The following CACNA1A variants were observed in gnomAD, a reference collection of about 807,000 sequenced individuals.
CACNA1A encodes voltage-dependent P/Q-type calcium channel subunit alpha-1A.
Under a neutral mutation model 262.4 loss-of-function variants are expected in CACNA1A, and 57 were observed. The observed-to-expected ratio is 0.22, with a 90% CI of 0.18 to 0.27. CACNA1A has a LOEUF of 0.27. Among genes scored for constraint, CACNA1A ranks in the 10% least tolerant of loss-of-function variants. CACNA1A has a pLI of 1.00. For synonymous variants in CACNA1A, 1,431 were observed against 1,419.3 expected, an observed-to-expected ratio of 1.01 and a Z score of -0.18; for missense variants, 2,526 against 3,562.8, an observed-to-expected ratio of 0.71 and a Z score of 7.41.
At position 13,371,269 on chromosome 19, in the gene CACNA1A, G is replaced by A. The variant is rs146703389; in HGVS notation, c.631+419C>T. The A allele has an allele frequency of 1.0e-3, 167 of 166,096 alleles. No individual in the cohort carries two copies. In the Middle Eastern group the frequency reaches 0.012, roughly 12 times the overall value. The allele number at this position is 166,096 out of a possible 1,614,324, so 10.3% of individuals were successfully genotyped here. A position where few individuals can be genotyped will look rare whatever the true frequency, so the allele number is the denominator to read the frequency against. ...AATGGTCATTGCCACCAGTGGTACG[G>A]CCCAGGCTTGGAGTCACACTTGCTC... On this transcript the variant is annotated intron_variant, in intron 4 of 46. Coordinates refer to ENST00000360228, the MANE Select transcript of CACNA1A (RefSeq NM_001127222.2).
Position 13,212,624 on chromosome 19 carries a change from C to A in CACNA1A, c.6050+7G>T. ...CACTCCACCTCCCTGGCAGGGGTGA[C>A]ACTCACAGGGCTCCTCCTGGGTCCA... On this transcript the variant is annotated splice_region_variant and intron_variant, in intron 41 of 46. Transcript: ENST00000360228. The surrounding 1 kb of genome is among the most constrained non-coding windows in gnomAD (Gnocchi z 5.6). 6.6e-7 allele frequency: 1 copy of A among 1,516,278 alleles called. No homozygotes were observed. The highest frequency in any genetic ancestry group is 8.9e-7 in the Non-Finnish European group (1 of 1,126,814). The allele number at this position is 1,516,278 out of a possible 1,614,324, so 93.9% of individuals were successfully genotyped here.
intron 45 of CACNA1A, 41 bp downstream of exon 45, chr19:13,209,271 C>A: frequency 6.9e-7 from 1 of 1,439,114 alleles, no homozygotes. Context: ...CCTCTCCTCT[C>A]CTCTGTTCTG....
chr19:13,216,710 C>T (rs1374378243), intron 38 of CACNA1A, among the ~76,000 whole-genome samples: 7 of 150,558 alleles, frequency 4.6e-5, no homozygotes, highest in Admixed American at 3.3e-4. Context: ...ATCTATCTAT[C>T]GATCGACAGG....
chr19:13,339,377 G>C (rs1433842871), intron 6 of CACNA1A, among the ~76,000 whole-genome samples: 2 of 152,076 alleles, frequency 1.3e-5, no homozygotes, highest in Non-Finnish European at 2.9e-5. Flanking sequence ...CTGGGGGAGG[G>C]GGAACAGGGA....
At chr19:13,326,792 A>G (rs1295281061) in intron 10 of CACNA1A, among the ~76,000 whole-genome samples, 1 of 150,970 alleles carries the variant, frequency 6.6e-6, no homozygotes, top group African/African-American at 2.4e-5. Flanking sequence ...CTGTCTCAAA[A>G]AAAAAAAAAA....
At chr19:13,310,541 G>C (rs1348205585) in intron 12 of CACNA1A, among the ~76,000 whole-genome samples, 1 of 95,396 alleles carries the variant, frequency 1.0e-5, no homozygotes, top group Non-Finnish European at 2.0e-5. Context: ...GTTTAATTTT[G>C]TCCACTTGAA....
At chr19:13,216,716 A>T (rs2055027200) in intron 38 of CACNA1A, among the ~76,000 whole-genome samples, 1 of 150,626 alleles carries the variant, frequency 6.6e-6, no homozygotes, top group African/African-American at 2.5e-5. Context: ...CTATCGATCG[A>T]CAGGGACTTA....
intron 7 of CACNA1A, among the ~76,000 whole-genome samples, chr19:13,335,542 G>T (rs190545128): frequency 3.3e-5 from 5 of 152,254 alleles, no homozygotes; most frequent in Non-Finnish European, 5.9e-5. Flanking sequence ...TTTGGAAAAT[G>T]GGGGAGAAGT....
intron 30 of CACNA1A, among the ~76,000 whole-genome samples, chr19:13,247,864 C>G (rs866905081): frequency 6.6e-6 from 1 of 152,088 alleles, no homozygotes; most frequent in Non-Finnish European, 1.5e-5. Context: ...TGTGGCTGCA[C>G]AAGTGTTAGG....
intron 4 of CACNA1A, among the ~76,000 whole-genome samples, chr19:13,367,518 G>A (rs893085181): frequency 1.3e-5 from 2 of 151,662 alleles, no homozygotes; most frequent in Non-Finnish European, 2.9e-5. Flanking sequence ...ACGAGGTCAG[G>A]AGATCGAGAC....
chr19:13,301,931 C>T (rs2057797034), intron 17 of CACNA1A, among the ~76,000 whole-genome samples: 1 of 151,736 alleles, frequency 6.6e-6, no homozygotes, highest in Non-Finnish European at 1.5e-5. Context: ...AGAGCTAGGT[C>T]TCTGGACCAT....
intron 3 of CACNA1A, among the ~76,000 whole-genome samples, chr19:13,400,584 T>C (rs527946708): frequency 7.2e-5 from 11 of 152,312 alleles, no homozygotes; most frequent in South Asian, 4.1e-4. Flanking sequence ...CTTGGACTTG[T>C]GCTAGAGTGT....
rs539053887 is a variant in CACNA1A at position 13,243,155 on chromosome 19, C to T, written c.4950+2027G>A. ...ATATTTTGATTGCCAGCTGGAGCTC[C>T]AGCCCTCTCTAGAAACTCAGGACAG... is the stretch of plus-strand genomic sequence containing the variant. On this transcript the variant is annotated intron_variant, in intron 31 of 46. Transcript: ENST00000360228. Among the ~76,000 whole-genome samples, 9 of 152,338 alleles carry T rather than the reference C, an allele frequency of 5.9e-5. No individual in the cohort carries two copies. In the South Asian group the frequency reaches 1.9e-3, roughly 32 times the overall value.
Position 13,212,310 on chromosome 19 carries a change from T to C in CACNA1A, c.6189+74A>G, listed in dbSNP as rs16048. ...GGAGGGAGCTGCAGGTGTGTGTGTG[T>C]GGGGGGCCCAGATCCCTTCCACCTG... On this transcript the variant is annotated intron_variant, in intron 42 of 46. Transcript: ENST00000360228. This position sits in a 1 kb window ranked among gnomAD's most constrained non-coding sequence, Gnocchi z 5.6. The C allele has an allele frequency of 7.1e-6, 11 of 1,551,378 alleles. No individual in the cohort carries two copies. The highest frequency in any genetic ancestry group is 2.3e-5 in the East Asian group (1 of 44,346).
At chr19:13,283,157 C>T (rs2057328910) in intron 22 of CACNA1A, 110 bp downstream of exon 22, 2 of 1,371,090 alleles carry the variant, frequency 1.5e-6, no homozygotes, top group African/African-American at 2.8e-5. Flanking sequence ...AGGGCTATGC[C>T]TAGGGGTGAC....
intron 10 of CACNA1A, 118 bp from the exon 11 acceptor site, chr19:13,317,439 T>C: frequency 1.2e-6 from 1 of 816,902 alleles, no homozygotes; most frequent in South Asian, 1.8e-5. Context: ...CCAGCAAGCC[T>C]CTGGCCTGAG....
intron 6 of CACNA1A, among the ~76,000 whole-genome samples, chr19:13,358,074 A>G (rs1348120492): frequency 6.6e-6 from 1 of 152,194 alleles, no homozygotes; most frequent in African/African-American, 2.4e-5. Context: ...TGATCCTGCA[A>G]TCCCACTTCT....
Position 13,240,207 on chromosome 19 carries a change from AGAG to A in CACNA1A, c.4951-4480_4951-4478del, listed in dbSNP as rs368584965. 9.2e-5 allele frequency among the ~76,000 whole-genome samples: 14 copies of A among 151,532 alleles called. No individual in the cohort carries two copies. The East Asian group carries it at 1.2e-3, about 13-fold the overall frequency. On this transcript the variant is annotated intron_variant, in intron 31 of 46. Coordinates refer to ENST00000360228, the MANE Select transcript of CACNA1A (RefSeq NM_001127222.2). ...GAGAATTGGAGAATGAGTGAGAAAA[AGAG>A]AAGAGGTCATGACTATGTGCAGTGT...
At chr19:13,468,930 C>T (rs2061301144) in intron 1 of CACNA1A, among the ~76,000 whole-genome samples, 1 of 152,198 alleles carries the variant, frequency 6.6e-6, no homozygotes, top group Admixed American at 6.5e-5. Context: ...TGTCCACCAT[C>T]ATGGCCCCCA....
Sources: allele counts gnomAD v4.1 joint callset (sites outside exome capture counted in the v4.1 genomes callset), GRCh38; gene constraint gnomAD v4.1.1; non-coding constraint Gnocchi (gnomAD v3.1); transcripts MANE v1.5; gene names NCBI Gene and HGNC (gene_info 2026-07-23, HGNC 2026-07-21).